The following TLE3 variants were observed in gnomAD, a reference collection of about 807,000 sequenced individuals.
TLE3 encodes transducin-like enhancer protein 3.
TLE3 carries 14 observed loss-of-function variants against 93.0 expected under a neutral mutation model. The observed-to-expected ratio is 0.15, with a 90% CI of 0.10 to 0.24. TLE3 has a LOEUF of 0.24. Among genes scored for constraint, TLE3 ranks in the 10% least tolerant of loss-of-function variants. The pLI is 1.00. For missense variants in TLE3, 693 were observed against 1,046.6 expected (o/e 0.66, Z 4.66); for synonymous variants, 451 against 425.0 (o/e 1.06, Z -0.75).
chr15:70,079,539 T>C, intron 4 of TLE3: 1 of 404,622 alleles, frequency 2.5e-6, no homozygotes, highest in African/African-American at 2.2e-5. Context: ...TCTTGGGGTC[T>C]CCCCACAAAG....
At chr15:70,089,751 G>C (rs1263240016) in intron 4 of TLE3, among the ~76,000 whole-genome samples, 1 of 152,216 alleles carries the variant, frequency 6.6e-6, no homozygotes, top group Non-Finnish European at 1.5e-5. Flanking sequence ...TGGTGTCCCA[G>C]TATTTTGTAC....
intron 18 of TLE3, 161 bp from the exon 19 acceptor site, chr15:70,051,628 A>C (rs1595853118): frequency 5.7e-5 from 11 of 191,560 alleles, no homozygotes; most frequent in South Asian, 1.1e-4. Context: ...ACATGCGGAC[A>C]CCTGGAGAAG....
In TLE3 at chr15:70,048,761, A is replaced by G. The variant is rs1006566894; in HGVS notation, c.*1336T>C. The G allele has an allele frequency of 6.6e-6, 1 of 152,120 alleles. No homozygotes were observed. Among genetic ancestry groups the G allele is most frequent in the South Asian group, 2.1e-4 (1 of 4,818 alleles). The allele number at this position is 152,120 out of a possible 1,614,324, so 9.4% of individuals were successfully genotyped here. A position where few individuals can be genotyped will look rare whatever the true frequency, so the allele number is the denominator to read the frequency against. ...ATAGTCTACCTAACCTGTTTGGGCC[A>G]CAAGAGACTGCAATCTGCAAGAAAT... On this transcript the variant is annotated 3_prime_UTR_variant, in exon 20 of 20. Transcript: ENST00000451782.
chr15:70,082,636 A>G (rs2141924120), intron 4 of TLE3, among the ~76,000 whole-genome samples: 1 of 152,338 alleles, frequency 6.6e-6, no homozygotes, highest in Admixed American at 6.5e-5. Context: ...AGCCTGCTGA[A>G]TTCTTTATGC....
intron 8 of TLE3, among the ~76,000 whole-genome samples, chr15:70,063,355 A>G (rs1170311406): frequency 6.6e-6 from 1 of 152,214 alleles, no homozygotes; most frequent in Non-Finnish European, 1.5e-5. Flanking sequence ...TTCAGCTTCA[A>G]TGACTCCTCT....
chr15:70,090,456 C>A (rs1008244095), intron 4 of TLE3, among the ~76,000 whole-genome samples: 1 of 152,198 alleles, frequency 6.6e-6, no homozygotes, highest in Non-Finnish European at 1.5e-5. Context: ...TCAAGATAGG[C>A]TCAACTCCTT....
chr15:70,097,375 G>T lies in TLE3; in HGVS notation c.-577C>A. ...TGGGGCCGCAGGAGCGCCGGAGGGTGAGGGCGGGAGCCCGGCGCGGGCGCT... is the reference window on the plus strand; with the variant it reads ...TGGGGCCGCAGGAGCGCCGGAGGGTTAGGGCGGGAGCCCGGCGCGGGCGCT... On this transcript the variant is annotated 5_prime_UTR_variant, in exon 1 of 20. Transcript: ENST00000451782. 2.5e-6 allele frequency: 1 copy of T among 405,566 alleles called. No homozygotes were observed. Among genetic ancestry groups the T allele is most frequent in the Admixed American group, 4.4e-5 (1 of 22,720 alleles). The allele number at this position is 405,566 out of a possible 1,614,324, so 25.1% of individuals were successfully genotyped here.
chr15:70,075,573 CAG>C (rs1326060197), intron 5 of TLE3, among the ~76,000 whole-genome samples: 1 of 152,220 alleles, frequency 6.6e-6, no homozygotes, highest in Non-Finnish European at 1.5e-5. Context: ...AGGACAGAAA[CAG>C]AGCCCACTAA....
At chr15:70,060,151 T>C (rs778934520) in intron 9 of TLE3, among the ~76,000 whole-genome samples, 11 of 152,186 alleles carry the variant, frequency 7.2e-5, no homozygotes, top group Non-Finnish European at 1.2e-4. Context: ...AGTGCATGCC[T>C]CAGGCCAACT....
rs987765252 is a variant in TLE3 at position 70,097,853 on chromosome 15, A to C, written c.-1055T>G. 1 of 341,412 alleles carries C rather than the reference A, an allele frequency of 2.9e-6. No homozygotes were observed. Among genetic ancestry groups the C allele is most frequent in the African/African-American group, 2.1e-5 (1 of 47,230 alleles). 21.1% of individuals were successfully genotyped at this position (341,412 alleles called of 1,614,324 possible). A position where few individuals can be genotyped will look rare whatever the true frequency, so the allele number is the denominator to read the frequency against. ...TGCCCCGGACCTACGGATACCACACACAGACAGGCGAAGGGGACGAGCACG... is the reference window on the plus strand; with the variant it reads ...TGCCCCGGACCTACGGATACCACACCCAGACAGGCGAAGGGGACGAGCACG... On this transcript the variant is annotated 5_prime_UTR_variant, in exon 1 of 20. Transcript: ENST00000451782.
Position 70,051,416 on chromosome 15 carries a change from G to A in TLE3, c.2177C>T (p.Thr726Met), listed in dbSNP as rs747052800. Reference protein sequence around the residue: ...GKDNLLNAWRTPYGASIFQSK... With the variant: ...GKDNLLNAWRMPYGASIFQSK... The stretch of plus-strand genomic sequence containing the variant: ...CTGGAATATGCTGGCTCCATAAGGC[G>A]TCCTCCAGGCGTTGAGAAGGTTATC... The change falls in exon 19 of 20, where the codon ACG becomes ATG. Residue 726 changes from threonine to methionine, a missense_variant. Transcript: ENST00000451782. The A allele has an allele frequency of 5.6e-6, 9 of 1,610,274 alleles. No homozygotes were observed. Among genetic ancestry groups the A allele is most frequent in the Non-Finnish European group, 5.9e-6 (7 of 1,178,332 alleles).
chr15:70,053,409 G>A (rs1484296069), intron 16 of TLE3, 35 bp from the exon 17 acceptor site: 37 of 1,576,930 alleles, frequency 2.3e-5, no homozygotes, highest in South Asian at 1.0e-4. Context: ...GGTGAGTCCC[G>A]GGAACCACAG....
Position 70,049,808 on chromosome 15 carries a change from G to C in TLE3, c.*289C>G, listed in dbSNP as rs369978895. On this transcript the variant is annotated 3_prime_UTR_variant, in exon 20 of 20. Coordinates refer to ENST00000451782, the MANE Select transcript of TLE3 (RefSeq NM_001105192.3). ...GAGACTCATGAGCGGGTCTGTGGGG[G>C]AACCGGAGCCATAAGCCTCCAATAA... 3.1e-6 allele frequency: 1 copy of C among 324,870 alleles called. No homozygotes were observed. Among genetic ancestry groups the C allele is most frequent in the African/African-American group, 2.1e-5 (1 of 48,000 alleles). The allele number at this position is 324,870 out of a possible 1,614,324, so 20.1% of individuals were successfully genotyped here.
chr15:70,083,433 T>C (rs2057884935), intron 4 of TLE3, among the ~76,000 whole-genome samples: 1 of 152,118 alleles, frequency 6.6e-6, no homozygotes, highest in Admixed American at 6.5e-5. Context: ...CTCAAAGAGC[T>C]TGCTTGTACA....
intron 6 of TLE3, chr15:70,067,024 CA>C: frequency 5.3e-6 from 1 of 189,790 alleles, no homozygotes; most frequent in South Asian, 6.6e-5. Flanking sequence ...TACTAAGCCT[CA>C]TGGCAGTAGC....
In TLE3 at chr15:70,097,821, A is replaced by C; in HGVS notation, c.-1023T>G. ...GCACGCACACACACACACACCAAAA[A>C]AAAAAGTGCCCCGGACCTACGGATA... On this transcript the variant is annotated 5_prime_UTR_variant, in exon 1 of 20. Coordinates refer to ENST00000451782, the MANE Select transcript of TLE3 (RefSeq NM_001105192.3). The C allele has an allele frequency of 2.7e-6, 1 of 373,520 alleles. No homozygotes were observed. Among genetic ancestry groups the C allele is most frequent in the Non-Finnish European group, 4.7e-6 (1 of 210,744 alleles). 23.1% of individuals were successfully genotyped at this position (373,520 alleles called of 1,614,324 possible).
At position 70,058,566 on chromosome 15, in the gene TLE3, C is replaced by A; in HGVS notation, c.918+97G>T. On this transcript the variant is annotated intron_variant, in intron 11 of 19. Coordinates refer to ENST00000451782, the MANE Select transcript of TLE3 (RefSeq NM_001105192.3). This position sits in a 1 kb window ranked among gnomAD's most constrained non-coding sequence, Gnocchi z 4.1. Reference sequence around the variant, plus strand: ...AAACCGGGGCCAATCACCCACCCAGCTTCTCCCACTCCACCCCTCTGCCTG... The same window carrying A: ...AAACCGGGGCCAATCACCCACCCAGATTCTCCCACTCCACCCCTCTGCCTG... 6.8e-7 allele frequency: 1 copy of A among 1,466,204 alleles called. No homozygotes were observed. Among genetic ancestry groups the A allele is most frequent in the Non-Finnish European group, 9.0e-7 (1 of 1,106,042 alleles). The allele number at this position is 1,466,204 out of a possible 1,614,324, so 90.8% of individuals were successfully genotyped here. A position where few individuals can be genotyped will look rare whatever the true frequency, so the allele number is the denominator to read the frequency against.
rs1435588222 is a variant in TLE3 at position 70,058,805 on chromosome 15, G to A, written c.776C>T (p.Thr259Met). The A allele has an allele frequency of 3.2e-6, 5 of 1,582,500 alleles. No individual in the cohort carries two copies. The highest frequency in any genetic ancestry group is 2.6e-6 in the Non-Finnish European group (3 of 1,166,632). ...GGAGTGTGCCGGGCTGACCCGGGGC[G>A]TTGCGGGGTCCTGAAAACACAAGTG... ...VVDVSNEDPA[T>M]PRVSPAHSPP... Residue 259 changes from threonine to methionine, a missense_variant, in exon 11 of 20, where the codon ACG (threonine) becomes ATG (methionine). Physicochemically the swap from Thr to Met is moderately conservative, Grantham distance 81. Coordinates refer to ENST00000451782, the MANE Select transcript of TLE3 (RefSeq NM_001105192.3). The surrounding 1 kb of genome is among the most constrained non-coding windows in gnomAD (Gnocchi z 4.1).
chr15:70,057,495 AGCGGCTGCAGCAGCGGCG>A lies in TLE3; in HGVS notation c.1197_1214del (p.Ala401_Ala406del). ...TCACCATTGGCGATCGGCCATAGGC[AGCGGCTGCAGCAGCGGCG>A]GCGGCGCTCATCTGGGGTGGGATGT... On this transcript the variant is annotated inframe_deletion, in exon 13 of 20. Transcript: ENST00000451782. 6.2e-7 allele frequency: 1 copy of A among 1,608,578 alleles called. No individual in the cohort carries two copies. Among genetic ancestry groups the A allele is most frequent in the Non-Finnish European group, 8.5e-7 (1 of 1,177,816 alleles).
Sources: allele counts gnomAD v4.1 joint callset (sites outside exome capture counted in the v4.1 genomes callset), GRCh38; gene constraint gnomAD v4.1.1; non-coding constraint Gnocchi (gnomAD v3.1); transcripts MANE v1.5; gene names NCBI Gene and HGNC (gene_info 2026-07-23, HGNC 2026-07-21).